Variants in UTRN observed in about 807,000 individuals in gnomAD.
UTRN encodes utrophin.
A neutral mutation model predicts 463.9 loss-of-function variants in UTRN; 283 were observed. The ratio of observed to expected loss-of-function variants is 0.61; its 90% CI spans 0.55 to 0.67. The LOEUF is 0.67. Ranked by LOEUF, UTRN falls within the 30% of genes least tolerant of loss-of-function variation. The pLI, the probability that UTRN is intolerant of heterozygous loss-of-function variation, is 0.00. For missense variants in UTRN, 3,922 were observed against 4,084.3 expected (o/e 0.96, Z 1.08); for synonymous variants, 1,442 against 1,431.5 (o/e 1.01, Z -0.17).
At chr6:144,303,267 C>G (rs1805450353) in intron 2 of UTRN, among the ~76,000 whole-genome samples, 1 of 152,166 alleles carries the variant, frequency 6.6e-6, no homozygotes, top group African/African-American at 2.4e-5. Flanking sequence ...TAAACTTCGC[C>G]TTTGTGGGAT....
At chr6:144,612,933 C>T (rs1805679302) in intron 51 of UTRN, among the ~76,000 whole-genome samples, 1 of 151,866 alleles carries the variant, frequency 6.6e-6, no homozygotes, top group African/African-American at 2.4e-5. Context: ...TCACAATAGC[C>T]AAGATATGGA....
At chr6:144,726,750 G>C (rs1488670239) in intron 53 of UTRN, among the ~76,000 whole-genome samples, 1 of 152,112 alleles carries the variant, frequency 6.6e-6, no homozygotes, top group East Asian at 1.9e-4. Context: ...GCCTTAAAAA[G>C]GATGAGGGAA....
intron 2 of UTRN, among the ~76,000 whole-genome samples, chr6:144,332,346 A>C (rs1776395120): frequency 6.6e-6 from 1 of 152,206 alleles, no homozygotes; most frequent in Non-Finnish European, 1.5e-5. Context: ...GGGATGATAG[A>C]TCCTTGTGAA....
chr6:144,526,272 T>A (rs569740601), intron 41 of UTRN, among the ~76,000 whole-genome samples: 1 of 152,356 alleles, frequency 6.6e-6, no homozygotes, highest in African/African-American at 2.4e-5. Context: ...TCTAGTGCTA[T>A]CAGTGGAGTA....
intron 51 of UTRN, among the ~76,000 whole-genome samples, chr6:144,600,116 T>C (rs1369235908): frequency 2.0e-5 from 3 of 152,330 alleles, no homozygotes; most frequent in South Asian, 2.1e-4. Context: ...GACTGTTCCA[T>C]CAACACACCA....
chr6:144,423,609 G>A lies in UTRN; in HGVS notation c.295G>A (p.Val99Ile). Residue 99 changes from valine (V) to isoleucine (I), a missense_variant, in exon 5 of 75, where the codon GTT (valine) becomes ATT (isoleucine). This residue lies in a region of UTRN where 264 missense variants were observed against 327.9 expected (regional missense o/e 0.81). Coordinates refer to ENST00000367545, the MANE Select transcript of UTRN (RefSeq NM_007124.3). ...ALNNVNRVLQ[V>I]LHQNNVELVN... The stretch of plus-strand genomic sequence containing the variant: ...AAATAACGTCAACAGAGTGCTGCAG[G>A]TTTTACATCAGAACAATGTAAGTGT... 1 of 1,614,230 alleles carries A rather than the reference G, an allele frequency of 6.2e-7. No homozygotes were observed.
intron 2 of UTRN, among the ~76,000 whole-genome samples, chr6:144,381,053 T>G (rs1157011834): frequency 6.6e-6 from 1 of 152,040 alleles, no homozygotes; most frequent in Non-Finnish European, 1.5e-5. Flanking sequence ...GGTACATGTG[T>G]AGGTTTGTTT....
chr6:144,536,699 T>C (rs1797566638), intron 43 of UTRN, among the ~76,000 whole-genome samples: 1 of 152,040 alleles, frequency 6.6e-6, no homozygotes, highest in African/African-American at 2.4e-5. Context: ...ATTTAAAAAT[T>C]GCATTCAGTT....
At chr6:144,624,888 G>A (rs369888936) in intron 51 of UTRN, among the ~76,000 whole-genome samples, 18 of 152,302 alleles carry the variant, frequency 1.2e-4, no homozygotes, top group South Asian at 1.0e-3. Context: ...CCATGAATAC[G>A]TTGAGGGAGT....
chr6:144,678,251 C>G (rs1781845445), intron 51 of UTRN, among the ~76,000 whole-genome samples, 155 bp from the exon 52 acceptor site: 1 of 152,090 alleles, frequency 6.6e-6, no homozygotes. Flanking sequence ...GATTTAAAGA[C>G]TATAATTTTC....
chr6:144,759,528 T>G lies in UTRN; in HGVS notation c.8495+1539T>G, dbSNP rs114246966. Among the ~76,000 whole-genome samples, 741 of 152,176 alleles carry G rather than the reference T, an allele frequency of 4.9e-3. 4 individuals carry two copies. The highest frequency in any genetic ancestry group is 0.017 in the African/African-American group (696 of 41,546). On this transcript the variant is annotated intron_variant, in intron 58 of 74. Coordinates refer to ENST00000367545, the MANE Select transcript of UTRN (RefSeq NM_007124.3). ...CTCACATCATAATCCCTGGAACCTG[T>G]GAAAATGTTAGGTTACAAAGCAAGG...
intron 69 of UTRN, among the ~76,000 whole-genome samples, chr6:144,834,569 A>G (rs1349811447): frequency 2.0e-5 from 3 of 152,168 alleles, no homozygotes; most frequent in African/African-American, 4.8e-5. Flanking sequence ...AGTAACACCA[A>G]GATGAATTTT....
At chr6:144,801,527 G>T (rs1269700576) in intron 64 of UTRN, among the ~76,000 whole-genome samples, 2 of 149,716 alleles carry the variant, frequency 1.3e-5, no homozygotes, top group African/African-American at 2.4e-5. Context: ...TTCTACCCAA[G>T]ATATATATAT....
At chr6:144,563,134 T>C (rs561535193) in intron 50 of UTRN, among the ~76,000 whole-genome samples, 1 of 152,328 alleles carries the variant, frequency 6.6e-6, no homozygotes, top group Non-Finnish European at 1.5e-5. Flanking sequence ...TAATTAATAA[T>C]GGCCAGCTAG....
intron 51 of UTRN, among the ~76,000 whole-genome samples, chr6:144,603,495 T>A (rs188341840): frequency 3.9e-5 from 6 of 152,214 alleles, no homozygotes; most frequent in African/African-American, 1.4e-4. Flanking sequence ...GAATTTTTTG[T>A]TATATTTATT....
intron 62 of UTRN, among the ~76,000 whole-genome samples, chr6:144,793,324 G>A (rs1317791280): frequency 6.6e-6 from 1 of 151,442 alleles, no homozygotes; most frequent in Non-Finnish European, 1.5e-5. Flanking sequence ...TGCCCAAACT[G>A]GTCTCAAACT....
chr6:144,511,592 A>C (rs1018527705), intron 35 of UTRN, among the ~76,000 whole-genome samples: 2 of 152,226 alleles, frequency 1.3e-5, no homozygotes, highest in Non-Finnish European at 2.9e-5. Flanking sequence ...TTAATTTGTA[A>C]AATGGACATT....
chr6:144,732,808 A>T (rs907521650), intron 54 of UTRN, among the ~76,000 whole-genome samples: 1 of 152,024 alleles, frequency 6.6e-6, no homozygotes. Context: ...ACGTCCCAGG[A>T]TCAAGTGATC....
At chr6:144,569,554 T>C (rs1351424852) in intron 50 of UTRN, among the ~76,000 whole-genome samples, 3 of 152,178 alleles carry the variant, frequency 2.0e-5, no homozygotes, top group South Asian at 4.1e-4. Flanking sequence ...CTCCTTCAAA[T>C]ATTGCTGCAA....
Sources: allele counts gnomAD v4.1 joint callset (sites outside exome capture counted in the v4.1 genomes callset), GRCh38; gene constraint gnomAD v4.1.1; regional missense constraint gnomAD v4.1.1; transcripts MANE v1.5; gene names NCBI Gene and HGNC (gene_info 2026-07-23, HGNC 2026-07-21).